Variants in L3MBTL4 observed in about 807,000 individuals in gnomAD.
L3MBTL4 encodes L3MBTL histone methyl-lysine binding protein 4.
Under a neutral mutation model 84.5 loss-of-function variants are expected in L3MBTL4, and 70 were observed. The observed-to-expected ratio is 0.83, with a 90% CI of 0.68 to 1.01. L3MBTL4 has a LOEUF of 1.01. Ranked by LOEUF, L3MBTL4 falls within the 50% of genes least tolerant of loss-of-function variation. L3MBTL4 has a pLI of 0.00. For missense variants in L3MBTL4, 715 were observed against 754.8 expected (o/e 0.95, Z 0.62); for synonymous variants, 274 against 259.8 (o/e 1.05, Z -0.52).
At chr18:6,226,227 C>T (rs2046778457) in intron 10 of L3MBTL4, among the ~76,000 whole-genome samples, 1 of 151,818 alleles carries the variant, frequency 6.6e-6, no homozygotes, top group Non-Finnish European at 1.5e-5. Context: ...GCCAACATGG[C>T]GAAACCCCAT....
intron 13 of L3MBTL4, among the ~76,000 whole-genome samples, chr18:6,142,320 T>C (rs1034386051): frequency 6.6e-6 from 1 of 152,198 alleles, no homozygotes; most frequent in Non-Finnish European, 1.5e-5. Flanking sequence ...GAGACACTCA[T>C]AGTCCAGAAA....
chr18:6,331,097 A>G (rs2052008898), intron 1 of L3MBTL4, among the ~76,000 whole-genome samples: 1 of 152,316 alleles, frequency 6.6e-6, no homozygotes, highest in African/African-American at 2.4e-5. Context: ...ACAAACAAAA[A>G]ACAACTGAGG....
chr18:6,183,511 T>C (rs1276411099), intron 12 of L3MBTL4, among the ~76,000 whole-genome samples: 1 of 152,252 alleles, frequency 6.6e-6, no homozygotes, highest in Non-Finnish European at 1.5e-5. Context: ...ATTGTTTCAA[T>C]ATGCACTCTT....
intron 14 of L3MBTL4, among the ~76,000 whole-genome samples, chr18:6,137,452 T>G (rs1372825552): frequency 1.3e-5 from 2 of 152,206 alleles, no homozygotes; most frequent in African/African-American, 4.8e-5. Context: ...GATCCTTTAT[T>G]CAAACAAATG....
At chr18:6,325,264 A>G (rs931078161) in intron 1 of L3MBTL4, among the ~76,000 whole-genome samples, 5 of 152,240 alleles carry the variant, frequency 3.3e-5, no homozygotes, top group African/African-American at 7.2e-5. Context: ...ATAACATTAC[A>G]CAATGAAAAT....
chr18:6,189,396 T>G (rs2044950567), intron 12 of L3MBTL4, among the ~76,000 whole-genome samples: 1 of 152,166 alleles, frequency 6.6e-6, no homozygotes, highest in Admixed American at 6.5e-5. Flanking sequence ...TGCAACCCAC[T>G]ATAGGCCCTC....
At chr18:6,399,116 T>C (rs910677060) in intron 1 of L3MBTL4, among the ~76,000 whole-genome samples, 1 of 152,220 alleles carries the variant, frequency 6.6e-6, no homozygotes, top group African/African-American at 2.4e-5. Context: ...AACCTCTTTA[T>C]ATTTTAATTA....
At chr18:6,312,939 C>T (rs1174072389) in intron 1 of L3MBTL4, among the ~76,000 whole-genome samples, 1 of 152,160 alleles carries the variant, frequency 6.6e-6, no homozygotes, top group Non-Finnish European at 1.5e-5. Context: ...TCCCCATTGC[C>T]TGCCCTCCCT....
intron 13 of L3MBTL4, among the ~76,000 whole-genome samples, chr18:6,153,595 T>C (rs530663611): frequency 6.6e-6 from 1 of 152,320 alleles, no homozygotes; most frequent in Admixed American, 6.5e-5. Context: ...AGTTTCTTTG[T>C]AGACTCTTTA....
intron 3 of L3MBTL4, among the ~76,000 whole-genome samples, chr18:6,303,254 A>G (rs2050424015): frequency 6.6e-6 from 1 of 151,968 alleles, no homozygotes; most frequent in Non-Finnish European, 1.5e-5. Flanking sequence ...GCCTCCAGCT[A>G]GGATTACAGG....
intron 14 of L3MBTL4, among the ~76,000 whole-genome samples, chr18:6,130,426 G>A (rs1257216248): frequency 2.6e-5 from 4 of 152,102 alleles, no homozygotes; most frequent in Non-Finnish European, 5.9e-5. Flanking sequence ...AAATATATTA[G>A]ATTTATCTGA....
intron 1 of L3MBTL4, among the ~76,000 whole-genome samples, chr18:6,331,779 G>T (rs185165362): frequency 1.2e-4 from 19 of 152,116 alleles, no homozygotes; most frequent in Non-Finnish European, 2.4e-4. Flanking sequence ...GCATCTGTAG[G>T]TATGTCAAAT....
intron 14 of L3MBTL4, among the ~76,000 whole-genome samples, chr18:6,111,415 T>G (rs1413955791): frequency 6.6e-6 from 1 of 152,236 alleles, no homozygotes; most frequent in Non-Finnish European, 1.5e-5. Flanking sequence ...TTATTATTAT[T>G]TTTTAAGCAC....
At chr18:6,136,919 A>G (rs1413414183) in intron 14 of L3MBTL4, among the ~76,000 whole-genome samples, 1 of 152,248 alleles carries the variant, frequency 6.6e-6, no homozygotes, top group Non-Finnish European at 1.5e-5. Context: ...GCCAATGTAT[A>G]AAAACCCCAA....
chr18:6,171,964 G>T, intron 12 of L3MBTL4, 22 bp from the exon 13 acceptor site: 3 of 1,193,148 alleles, frequency 2.5e-6, no homozygotes, highest in Non-Finnish European at 3.6e-6. Flanking sequence ...AGTTTTGAAT[G>T]ATTAGCATTT....
chr18:6,267,967 GT>G (rs2048706880), intron 4 of L3MBTL4, among the ~76,000 whole-genome samples: 1 of 152,100 alleles, frequency 6.6e-6, no homozygotes, highest in Non-Finnish European at 1.5e-5. Flanking sequence ...TCACCATGTT[GT>G]TTTATTTTTC....
chr18:6,300,333 A>T (rs1247428937), intron 4 of L3MBTL4, among the ~76,000 whole-genome samples: 1 of 152,224 alleles, frequency 6.6e-6, no homozygotes, highest in East Asian at 1.9e-4. Context: ...AACATTTGTT[A>T]TGTTCTACAG....
intron 13 of L3MBTL4, among the ~76,000 whole-genome samples, chr18:6,146,764 G>A (rs1004918070): frequency 2.6e-5 from 4 of 152,198 alleles, no homozygotes; most frequent in Non-Finnish European, 5.9e-5. Flanking sequence ...TTTCAGTACA[G>A]GGAAAATTTG....
chr18:6,166,246 C>T (rs766224218), intron 13 of L3MBTL4, among the ~76,000 whole-genome samples: 16 of 152,150 alleles, frequency 1.1e-4, no homozygotes, highest in African/African-American at 1.4e-4. Flanking sequence ...TTTAACACCC[C>T]GCTGTCAACA....
Sources: allele counts gnomAD v4.1 joint callset (sites outside exome capture counted in the v4.1 genomes callset), GRCh38; gene constraint gnomAD v4.1.1; transcripts MANE v1.5; gene names NCBI Gene and HGNC (gene_info 2026-07-23, HGNC 2026-07-21).